The following HERC2 variants were observed in gnomAD, a reference collection of about 807,000 sequenced individuals.
The protein encoded by HERC2 is E3 ubiquitin-protein ligase HERC2.
In HERC2, 102 loss-of-function variants were observed where a neutral mutation model predicts 537.7. That is an observed-to-expected ratio of 0.19 (90% CI 0.16 to 0.22). HERC2 has a LOEUF of 0.22. Among genes scored for constraint, HERC2 ranks in the 10% least tolerant of loss-of-function variants. The pLI is 1.00. For missense variants in HERC2, 4,236 were observed against 6,198.2 expected (o/e 0.68, Z 10.63); for synonymous variants, 2,224 against 2,466.2 (o/e 0.90, Z 2.91).
chr15:28,151,561 C>T (rs554937540), intron 70 of HERC2, among the ~76,000 whole-genome samples: 1 of 151,934 alleles, frequency 6.6e-6, no homozygotes, highest in Non-Finnish European at 1.5e-5. Context: ...CCAGGGCAGA[C>T]CCCAGGTGAA....
At chr15:28,230,142 G>A in intron 31 of HERC2, among the ~76,000 whole-genome samples, 1 of 152,144 alleles carries the variant, frequency 6.6e-6, no homozygotes, top group East Asian at 1.9e-4. Context: ...GGAATGAATG[G>A]TGAATAATTA....
chr15:28,142,638 C>T (rs1210555760), intron 75 of HERC2, among the ~76,000 whole-genome samples, 189 bp downstream of exon 75: 9 of 152,158 alleles, frequency 5.9e-5, no homozygotes, highest in African/African-American at 9.7e-5. Flanking sequence ...GGCATGCTAA[C>T]GGTTACAGGC....
At chr15:28,209,628 C>T (rs1444867243) in intron 44 of HERC2, among the ~76,000 whole-genome samples, 1 of 152,206 alleles carries the variant, frequency 6.6e-6, no homozygotes, top group South Asian at 2.1e-4. Context: ...CAGGCATGAG[C>T]CACCGCGCCA....
chr15:28,158,767 G>C (rs1156928612), intron 69 of HERC2, among the ~76,000 whole-genome samples: 1 of 152,168 alleles, frequency 6.6e-6, no homozygotes, highest in Non-Finnish European at 1.5e-5. Context: ...GTGTGAATTT[G>C]ATCCTGTCAT....
At chr15:28,304,537 T>C (rs1272213825) in intron 2 of HERC2, among the ~76,000 whole-genome samples, 2 of 151,674 alleles carry the variant, frequency 1.3e-5, no homozygotes, top group African/African-American at 4.8e-5. Flanking sequence ...CTAGCTAATT[T>C]TTATATTTTT....
intron 55 of HERC2, among the ~76,000 whole-genome samples, chr15:28,189,828 T>G (rs1409639920): frequency 6.6e-6 from 1 of 151,334 alleles, no homozygotes; most frequent in Non-Finnish European, 1.5e-5. Context: ...AAAACTAAAA[T>G]AAAACTTTTT....
chr15:28,175,618 T>A lies in HERC2; in HGVS notation c.9725A>T (p.Asp3242Val). 1 of 1,614,088 alleles carries A rather than the reference T, an allele frequency of 6.2e-7. No homozygotes were observed. Among genetic ancestry groups the A allele is most frequent in the Non-Finnish European group, 8.5e-7 (1 of 1,180,008 alleles). Residue 3242 changes from aspartate to valine, a missense_variant, in exon 64 of 93, where the codon GAC becomes GTC. Physicochemically the swap from Asp to Val is radical, Grantham distance 152 (BLOSUM62 -3). Transcript: ENST00000261609. ...CACCTGTGGTTTCCGCACGTGCACG[T>A]CAGAGCCGTGGCCCAATCTGAAGTA... The part of the protein sequence containing the change: ...GDYFRLGHGS[D>V]VHVRKPQVVE...
intron 69 of HERC2, among the ~76,000 whole-genome samples, chr15:28,159,995 C>T (rs1322773119): frequency 1.3e-5 from 2 of 152,210 alleles, no homozygotes; most frequent in African/African-American, 4.8e-5. Context: ...GCTGGAGGTC[C>T]ACTCCCAGAC....
At chr15:28,128,480 T>C (rs1889744854) in intron 83 of HERC2, among the ~76,000 whole-genome samples, 1 of 152,142 alleles carries the variant, frequency 6.6e-6, no homozygotes, top group Non-Finnish European at 1.5e-5. Flanking sequence ...ATAAGTCAAA[T>C]AAAAAGTTCT....
At chr15:28,146,179 T>C (rs1188877883) in intron 71 of HERC2, 58 bp downstream of exon 71, 4 of 1,123,648 alleles carry the variant, frequency 3.6e-6, no homozygotes, top group Admixed American at 1.8e-5. Context: ...ATGTGAAGGG[T>C]TGTGTCTACG....
At chr15:28,258,289 G>A (rs1258032209) in intron 16 of HERC2, among the ~76,000 whole-genome samples, 1 of 152,074 alleles carries the variant, frequency 6.6e-6, no homozygotes, top group Non-Finnish European at 1.5e-5. Context: ...GGCCAACATG[G>A]AGAAACCCCA....
chr15:28,137,433 T>C (rs1302878747), intron 78 of HERC2, among the ~76,000 whole-genome samples: 4 of 152,258 alleles, frequency 2.6e-5, no homozygotes, highest in Non-Finnish European at 4.4e-5. Context: ...TGATCAAGTC[T>C]ATCGGCGCCA....
At chr15:28,266,122 G>C (rs2075560818) in intron 12 of HERC2, 148 bp from the exon 13 acceptor site, 3 of 840,642 alleles carry the variant, frequency 3.6e-6, no homozygotes, top group South Asian at 1.8e-5. Context: ...AGAAGGAAGA[G>C]AGAATTCCAA....
intron 69 of HERC2, among the ~76,000 whole-genome samples, chr15:28,157,336 T>C (rs1181150043): frequency 1.3e-5 from 2 of 152,258 alleles, no homozygotes; most frequent in African/African-American, 4.8e-5. Flanking sequence ...CTCCTCTTTG[T>C]ACCTCTGACA....
chr15:28,224,166 C>CACACACACAGAGAG (rs748053596), intron 35 of HERC2, among the ~76,000 whole-genome samples: 55 of 147,756 alleles, frequency 3.7e-4, no homozygotes, highest in African/African-American at 1.3e-3. Context: ...CACACACACA[C>CACACACACAGAGAG]AGAGAGAGAG....
In HERC2 at chr15:28,220,641, C is replaced by T. The variant is rs1900425651; in HGVS notation, c.5656G>A (p.Gly1886Arg). The change falls in exon 37 of 93, where the codon GGG (glycine) becomes AGG (arginine). Residue 1886 changes from glycine to arginine, a missense_variant. Gly to Arg is a moderately radical substitution (Grantham distance 125, BLOSUM62 -2). Coordinates refer to ENST00000261609, the MANE Select transcript of HERC2 (RefSeq NM_004667.6). ...GVDWKWGDQDGPPPGLGRVIG... is the reference protein window; with the variant it reads ...GVDWKWGDQDRPPPGLGRVIG... ...ACGCGGCCTAGGCCTGGAGGAGGCC[C>T]ATCCTGAGAAAGCCAAAGTAGAGAT... 1.2e-6 allele frequency: 2 copies of T among 1,603,630 alleles called. No homozygotes were observed. Among genetic ancestry groups the T allele is most frequent in the Non-Finnish European group, 1.7e-6 (2 of 1,179,774 alleles).
intron 3 of HERC2, among the ~76,000 whole-genome samples, chr15:28,293,688 T>C (rs2076384989): frequency 6.6e-6 from 1 of 152,046 alleles, no homozygotes; most frequent in Admixed American, 6.6e-5. Flanking sequence ...AAAGGGAGGG[T>C]GTAGAACAGG....
intron 86 of HERC2, 191 bp from the exon 87 acceptor site, chr15:28,117,345 C>T (rs941315386): frequency 2.0e-5 from 14 of 709,996 alleles, no homozygotes; most frequent in East Asian, 5.4e-5. Flanking sequence ...CACCCGAGAC[C>T]GCTGCCTCAC....
chr15:28,114,037 T>C (rs927185222), intron 90 of HERC2, among the ~76,000 whole-genome samples: 3 of 152,076 alleles, frequency 2.0e-5, no homozygotes, highest in Non-Finnish European at 2.9e-5. Flanking sequence ...GCAGACACGA[T>C]ACGGGGGACA....
Sources: allele counts gnomAD v4.1 joint callset (sites outside exome capture counted in the v4.1 genomes callset), GRCh38; gene constraint gnomAD v4.1.1; transcripts MANE v1.5; gene names NCBI Gene and HGNC (gene_info 2026-07-23, HGNC 2026-07-21).